The following CPD variants were observed in gnomAD, a reference collection of about 807,000 sequenced individuals.
The protein encoded by CPD is metallocarboxypeptidase D.
In CPD, 69 loss-of-function variants were observed where a neutral mutation model predicts 138.3. That is an observed-to-expected ratio of 0.50 (90% CI 0.41 to 0.61). The LOEUF (loss-of-function observed/expected upper bound fraction) is 0.61. CPD is among the 20% of genes least tolerant of loss of function. The pLI, the probability that CPD is intolerant of heterozygous loss-of-function variation, is 0.00. For missense variants in CPD, 1,432 were observed against 1,733.3 expected (o/e 0.83, Z 3.09); for synonymous variants, 651 against 642.1 (o/e 1.01, Z -0.21).
intron 2 of CPD, among the ~76,000 whole-genome samples, chr17:30,387,488 T>G (rs966766423): frequency 1.3e-5 from 2 of 152,244 alleles, no homozygotes; most frequent in Non-Finnish European, 2.9e-5. Flanking sequence ...ATTACTCTTT[T>G]TAAACTTTAG....
At chr17:30,417,046 G>A (rs1485896804) in intron 2 of CPD, among the ~76,000 whole-genome samples, 3 of 150,980 alleles carry the variant, frequency 2.0e-5, no homozygotes, top group Admixed American at 6.6e-5. Context: ...AGGTTGCAGT[G>A]AGCCGAGATC....
In CPD at chr17:30,468,049, G is replaced by A. The variant is rs1913688020; in HGVS notation, c.*3235G>A. 6.6e-6 allele frequency: 1 copy of A among 152,014 alleles called. No homozygotes were observed. Among genetic ancestry groups the A allele is most frequent in the Admixed American group, 6.6e-5 (1 of 15,254 alleles). 9.4% of individuals were successfully genotyped at this position (152,014 alleles called of 1,614,324 possible). On this transcript the variant is annotated 3_prime_UTR_variant, in exon 21 of 21. Transcript: ENST00000225719. The stretch of plus-strand genomic sequence containing the variant: ...GATTTGTTTTAGCTAAAATTTTGGG[G>A]ATATGATTTGGGTCTTTGATTAATG...
chr17:30,434,391 T>C (rs370026908), intron 8 of CPD, among the ~76,000 whole-genome samples: 1 of 151,988 alleles, frequency 6.6e-6, no homozygotes, highest in Admixed American at 6.6e-5. Flanking sequence ...CCAAGAAAAC[T>C]TACGGAGAAG....
intron 1 of CPD, chr17:30,380,765 G>A (rs1911020673): frequency 3.1e-6 from 2 of 639,228 alleles, no homozygotes; most frequent in Admixed American, 7.3e-5. Flanking sequence ...CCAGAGATGG[G>A]CAGGATTTTC....
At chr17:30,394,409 T>C (rs1911444250) in intron 2 of CPD, among the ~76,000 whole-genome samples, 1 of 152,184 alleles carries the variant, frequency 6.6e-6, no homozygotes, top group East Asian at 1.9e-4. Flanking sequence ...ACCTCTCCTA[T>C]AATAACTGTC....
At chr17:30,445,643 G>T in intron 11 of CPD, 48 bp from the exon 12 acceptor site, 1 of 1,353,680 alleles carries the variant, frequency 7.4e-7, no homozygotes, top group Non-Finnish European at 1.0e-6. Context: ...CAGGGTTTGG[G>T]TACTCCAGCT....
At chr17:30,395,871 G>C (rs932591164) in intron 2 of CPD, among the ~76,000 whole-genome samples, 1 of 152,094 alleles carries the variant, frequency 6.6e-6, no homozygotes, top group Non-Finnish European at 1.5e-5. Flanking sequence ...TATTCAGTGG[G>C]AGTGGTGAAG....
At chr17:30,416,061 G>A (rs1238963216) in intron 2 of CPD, among the ~76,000 whole-genome samples, 9 of 152,124 alleles carry the variant, frequency 5.9e-5, no homozygotes, top group African/African-American at 2.2e-4. Flanking sequence ...GGCTGGGTGC[G>A]GTGGGTCACG....
At chr17:30,400,775 A>G (rs1911637924) in intron 2 of CPD, among the ~76,000 whole-genome samples, 2 of 140,848 alleles carry the variant, frequency 1.4e-5, no homozygotes, top group South Asian at 4.5e-4. Flanking sequence ...CTCCTGCCTC[A>G]GCCTCCTGAG....
At chr17:30,429,875 T>C (rs182372746) in intron 7 of CPD, among the ~76,000 whole-genome samples, 46 of 152,336 alleles carry the variant, frequency 3.0e-4, no homozygotes, top group African/African-American at 8.9e-4. Context: ...TGGTGTTGAC[T>C]ATCCCATCTC....
intron 2 of CPD, among the ~76,000 whole-genome samples, chr17:30,417,946 G>A (rs1912157898): frequency 6.6e-6 from 1 of 151,950 alleles, no homozygotes; most frequent in Non-Finnish European, 1.5e-5. Context: ...CCCTCATTCT[G>A]TGGCCTTATC....
At chr17:30,444,925 C>T (rs1181811996) in intron 11 of CPD, among the ~76,000 whole-genome samples, 4 of 151,844 alleles carry the variant, frequency 2.6e-5, no homozygotes, top group Non-Finnish European at 4.4e-5. Flanking sequence ...TGGGTTAGAA[C>T]CTCACACTAA....
At position 30,464,928 on chromosome 17, in the gene CPD, A is replaced by G; in HGVS notation, c.*114A>G. On this transcript the variant is annotated 3_prime_UTR_variant, in exon 21 of 21. Transcript: ENST00000225719. The stretch of plus-strand genomic sequence containing the variant: ...CTTGCTTCTTCAAAGAGCTTTGGGA[A>G]ATTAAATTGCTAAATTTGTATTCTC... The G allele has an allele frequency of 1.2e-6, 1 of 805,602 alleles. No individual in the cohort carries two copies. Among genetic ancestry groups the G allele is most frequent in the South Asian group, 1.7e-5 (1 of 58,854 alleles). 49.9% of individuals were successfully genotyped at this position (805,602 alleles called of 1,614,324 possible). A position where few individuals can be genotyped will look rare whatever the true frequency, so the allele number is the denominator to read the frequency against.
At position 30,468,325 on chromosome 17, in the gene CPD, A is replaced by C. The variant is rs550514754; in HGVS notation, c.*3511A>C. 1 of 152,710 alleles carries C rather than the reference A, an allele frequency of 6.5e-6. No homozygotes were observed. Among genetic ancestry groups the C allele is most frequent in the African/African-American group, 2.4e-5 (1 of 41,560 alleles). 9.5% of individuals were successfully genotyped at this position (152,710 alleles called of 1,614,324 possible). The stretch of plus-strand genomic sequence containing the variant: ...AACATGAGTGTACTAACTACCTTCT[A>C]TGCTGGCCATGCTACAGATTTTCTG... On this transcript the variant is annotated 3_prime_UTR_variant, in exon 21 of 21. Coordinates refer to ENST00000225719, the MANE Select transcript of CPD (RefSeq NM_001304.5).
In CPD at chr17:30,464,083, G is replaced by A. The variant is rs761503947; in HGVS notation, c.3917-505G>A. 4.6e-5 allele frequency among the ~76,000 whole-genome samples: 7 copies of A among 152,104 alleles called. No homozygotes were observed. In the Middle Eastern group the frequency reaches 0.01, roughly 222 times the overall value. On this transcript the variant is annotated intron_variant, in intron 20 of 20. Transcript: ENST00000225719. ...GGTAAAAGAAAAAAAATACATGTAC[G>A]TGCATATGCATAAAGAAAGATCTGG...
intron 2 of CPD, among the ~76,000 whole-genome samples, chr17:30,408,982 G>A (rs1287097877): frequency 6.6e-6 from 1 of 152,160 alleles, no homozygotes; most frequent in Non-Finnish European, 1.5e-5. Flanking sequence ...GTATGATACT[G>A]ACTGTGGGTT....
At chr17:30,401,465 T>C (rs1392159759) in intron 2 of CPD, among the ~76,000 whole-genome samples, 2 of 151,084 alleles carry the variant, frequency 1.3e-5, no homozygotes, top group Non-Finnish European at 3.0e-5. Context: ...CTTCTTCCTC[T>C]TCTTCTTCTT....
Position 30,431,764 on chromosome 17 carries a change from C to G in CPD, c.2018-8C>G, listed in dbSNP as rs1222506845. 1 of 1,581,582 alleles carries G rather than the reference C, an allele frequency of 6.3e-7. No individual in the cohort carries two copies. Among genetic ancestry groups the G allele is most frequent in the East Asian group, 2.2e-5 (1 of 44,482 alleles). On this transcript the variant is annotated splice_polypyrimidine_tract_variant and splice_region_variant and intron_variant, in intron 7 of 20. Coordinates refer to ENST00000225719, the MANE Select transcript of CPD (RefSeq NM_001304.5). ...CAACATGATACATTTTCCTCTTTTC[C>G]CTTATAGGTTCTTTGGTGGTTAACT...
At chr17:30,428,658 G>C (rs779199701) in intron 7 of CPD, among the ~76,000 whole-genome samples, 38 of 151,978 alleles carry the variant, frequency 2.5e-4, no homozygotes, top group Non-Finnish European at 4.1e-4. Context: ...TTTTAGAATA[G>C]GCATATCCAT....
Sources: allele counts gnomAD v4.1 joint callset (sites outside exome capture counted in the v4.1 genomes callset), GRCh38; gene constraint gnomAD v4.1.1; transcripts MANE v1.5; gene names NCBI Gene and HGNC (gene_info 2026-07-23, HGNC 2026-07-21).